KHNYN: variants seen among roughly 807,000 people sequenced by gnomAD.
The protein encoded by KHNYN is KH and NYN domain containing.
In KHNYN, 42 loss-of-function variants were observed where a neutral mutation model predicts 62.7. The ratio of observed to expected loss-of-function variants is 0.67; its 90% CI spans 0.52 to 0.87. The LOEUF is 0.87. Ranked by LOEUF, KHNYN falls within the 40% of genes least tolerant of loss-of-function variation. KHNYN has a pLI of 0.00. For missense variants in KHNYN, 829 were observed against 874.1 expected (o/e 0.95, Z 0.65); for synonymous variants, 347 against 345.6 (o/e 1.00, Z -0.04).
Position 24,432,182 on chromosome 14 carries a change from G to A in KHNYN, c.921G>A (p.Leu307=), listed in dbSNP as rs540491400. 4.4e-6 allele frequency: 7 copies of A among 1,573,306 alleles called. No individual in the cohort carries two copies. In the African/African-American group the frequency reaches 9.4e-5, roughly 21 times the overall value. ...RESAPLKGKA[L]GKEEIALGGG... ...CAGCACCCCTGAAAGGGAAGGCCCT[G>A]GGGAAGGAGGAGATAGCTCTGGGAG... is the stretch of plus-strand genomic sequence containing the variant. Residue 307 remains leucine (L), a synonymous_variant, in exon 3 of 8, where the codon CTG becomes CTA. Transcript: ENST00000553935. The surrounding 1 kb of genome is among the most constrained non-coding windows in gnomAD (Gnocchi z 5.6).
chr14:24,441,558 C>T lies in KHNYN; in HGVS notation c.*4273C>T. The stretch of plus-strand genomic sequence containing the variant: ...GGAGAAACATGCATGGATCAAGGGC[C>T]TAGGAAGTCATTTTGCCTGGAAAAG... On this transcript the variant is annotated 3_prime_UTR_variant, in exon 8 of 8. Coordinates refer to ENST00000553935, the MANE Select transcript of KHNYN (RefSeq NM_015299.3). The T allele has an allele frequency of 1.2e-6, 1 of 836,838 alleles. No homozygotes were observed. The highest frequency in any genetic ancestry group is 1.8e-6 in the Non-Finnish European group (1 of 553,864). 51.8% of individuals were successfully genotyped at this position (836,838 alleles called of 1,614,324 possible).
chr14:24,430,287 T>TG (rs2043082019), intron 1 of KHNYN, 168 bp downstream of exon 1: 1 of 692,392 alleles, frequency 1.4e-6, no homozygotes, highest in Non-Finnish European at 1.8e-6. Context: ...AGCGGACGGC[T>TG]GGGGGAGGGG....
chr14:24,429,325 G>A (rs751974450), upstream of KHNYN: 5 of 666,954 alleles, frequency 7.5e-6, no homozygotes, highest in South Asian at 3.0e-5. Flanking sequence ...CCCACTGGAC[G>A]GGAGGGCTGC....
rs535213536 is a variant in KHNYN, at chr14:24,431,451, C to G, written c.202-12C>G. 3 of 1,544,942 alleles carry G rather than the reference C, an allele frequency of 1.9e-6. No homozygotes were observed. In the African/African-American group the frequency reaches 4.1e-5, roughly 21 times the overall value. On this transcript the variant is annotated splice_polypyrimidine_tract_variant and intron_variant, in intron 2 of 7. Transcript: ENST00000553935. ...AGTTTACTTTTCCTGACCTTCCCTT[C>G]CTCCCAACCAGGAGTACCTGAAGGG...
Position 24,432,229 on chromosome 14 carries a change from G to T in KHNYN, c.968G>T (p.Arg323Leu). The T allele has an allele frequency of 3.1e-6, 5 of 1,606,376 alleles. No homozygotes were observed. Among genetic ancestry groups the T allele is most frequent in the Non-Finnish European group, 4.3e-6 (5 of 1,175,380 alleles). Reference sequence around the variant, plus strand: ...GGAGGAGGAGGGTTCTGTGTCCACCGTGAGCCTCCCGGTGCCCATGGCTCC... The same window carrying T: ...GGAGGAGGAGGGTTCTGTGTCCACCTTGAGCCTCCCGGTGCCCATGGCTCC... ...ALGGGGFCVH[R>L]EPPGAHGSCH... Residue 323 changes from arginine to leucine, a missense_variant, in exon 3 of 8, where the codon CGT becomes CTT. Physicochemically the swap from Arg to Leu is moderately radical, Grantham distance 102. Around this residue, in one of 2 missense-constraint regions of KHNYN, gnomAD observed 559 missense variants for 527.0 expected, o/e 1.06. Transcript: ENST00000553935. This position sits in a 1 kb window ranked among gnomAD's most constrained non-coding sequence, Gnocchi z 5.6.
intron 1 of KHNYN, 32 bp downstream of exon 1, chr14:24,430,151 G>T: frequency 1.0e-6 from 1 of 982,998 alleles, no homozygotes; most frequent in Non-Finnish European, 1.2e-6. Flanking sequence ...GCCCGGGAGC[G>T]GGGAGCGGGG....
chr14:24,431,427 G>C (rs1179854248), intron 2 of KHNYN, 36 bp from the exon 3 acceptor site: 1 of 1,523,106 alleles, frequency 6.6e-7, no homozygotes, highest in Non-Finnish European at 8.9e-7. Flanking sequence ...GGGCCAGTTA[G>C]TTTACTTTTC....
chr14:24,429,489 C>G, upstream of KHNYN: 2 of 463,814 alleles, frequency 4.3e-6, no homozygotes, highest in South Asian at 3.2e-5. Context: ...TCCTCCTACT[C>G]TTCCTCTCTT....
At chr14:24,429,847 G>C, upstream of KHNYN, 2 of 1,024,290 alleles carry the variant, frequency 2.0e-6, no homozygotes, top group Non-Finnish European at 2.3e-6. Flanking sequence ...ACTAGGCCGA[G>C]CGGGCCCGTC....
chr14:24,440,000 C>G lies in KHNYN; in HGVS notation c.*2715C>G, dbSNP rs1024586640. On this transcript the variant is annotated 3_prime_UTR_variant, in exon 8 of 8. Coordinates refer to ENST00000553935, the MANE Select transcript of KHNYN (RefSeq NM_015299.3). ...GAATCTAAGAACCAGATGGCTTCAG[C>G]TCTCTAGAGGAGCTGAGCCTATTCA... is the stretch of plus-strand genomic sequence containing the variant. The G allele has an allele frequency of 3.8e-5, 45 of 1,179,084 alleles. No homozygotes were observed. Among genetic ancestry groups the G allele is most frequent in the Non-Finnish European group, 5.3e-5 (45 of 848,672 alleles). The allele number at this position is 1,179,084 out of a possible 1,614,324, so 73.0% of individuals were successfully genotyped here.
chr14:24,435,164 A>G (rs1169668873), intron 5 of KHNYN, among the ~76,000 whole-genome samples: 2 of 152,252 alleles, frequency 1.3e-5, no homozygotes, highest in African/African-American at 2.4e-5. Context: ...GTTCCTTAGC[A>G]AGTCTTGGGA....
rs2043140871 is a variant in KHNYN, at chr14:24,432,607, T to C, written c.1346T>C (p.Met449Thr). 1.2e-6 allele frequency: 2 copies of C among 1,606,628 alleles called. No individual in the cohort carries two copies. Among genetic ancestry groups the C allele is most frequent in the Non-Finnish European group, 1.7e-6 (2 of 1,174,660 alleles). The change falls in exon 3 of 8, where the codon ATG (methionine) becomes ACG (threonine). Residue 449 changes from methionine (M) to threonine (T), a missense_variant. This residue lies in a region of KHNYN where 270 missense variants were observed against 347.1 expected (regional missense o/e 0.78). Transcript: ENST00000553935. The surrounding 1 kb of genome is among the most constrained non-coding windows in gnomAD (Gnocchi z 5.6). ...HIVIDGSNVA[M>T]VHGLQHYFSS... The stretch of plus-strand genomic sequence containing the variant: ...GTCATTGACGGCAGCAACGTGGCCA[T>C]GGTGTGAGTACCTGGTGGGGCTAAG...
At chr14:24,425,630 T>C (rs2043012775), upstream of KHNYN, among the ~76,000 whole-genome samples, 1 of 152,234 alleles carries the variant, frequency 6.6e-6, no homozygotes, top group Admixed American at 6.5e-5. Context: ...TTTCCTATTT[T>C]GTTTAAGCTA....
chr14:24,440,389 C>T lies in KHNYN; in HGVS notation c.*3104C>T. 1 of 1,613,964 alleles carries T rather than the reference C, an allele frequency of 6.2e-7. No individual in the cohort carries two copies. Among genetic ancestry groups the T allele is most frequent in the Non-Finnish European group, 8.5e-7 (1 of 1,179,844 alleles). On this transcript the variant is annotated 3_prime_UTR_variant, in exon 8 of 8. Coordinates refer to ENST00000553935, the MANE Select transcript of KHNYN (RefSeq NM_015299.3). ...TTCCTGCCAGGTCCCCGATGTGTAT[C>T]CAGGGGAAGAATTGGTGGCCTGAGC...
chr14:24,436,278 G>T, intron 6 of KHNYN, 99 bp downstream of exon 6: 3 of 1,436,316 alleles, frequency 2.1e-6, no homozygotes, highest in Non-Finnish European at 2.0e-6. Context: ...GGAAGGAGGT[G>T]AAGTTTTCTT....
Position 24,440,974 on chromosome 14 carries a change from T to G in KHNYN, c.*3689T>G. 1 of 1,610,842 alleles carries G rather than the reference T, an allele frequency of 6.2e-7. No individual in the cohort carries two copies. Among genetic ancestry groups the G allele is most frequent in the South Asian group, 1.1e-5 (1 of 90,758 alleles). On this transcript the variant is annotated 3_prime_UTR_variant, in exon 8 of 8. Transcript: ENST00000553935. Reference sequence around the variant, plus strand: ...TGCCCTGGGTGTCCTTGGTCCTGCCTGGCTCTCTGTAGTGGAGGCTCCCCT... The same window carrying G: ...TGCCCTGGGTGTCCTTGGTCCTGCCGGGCTCTCTGTAGTGGAGGCTCCCCT...
At position 24,436,903 on chromosome 14, in the gene KHNYN, G is replaced by C. The variant is rs1490623658; in HGVS notation, c.1788-133G>C. On this transcript the variant is annotated intron_variant, in intron 7 of 7. Coordinates refer to ENST00000553935, the MANE Select transcript of KHNYN (RefSeq NM_015299.3). Reference sequence around the variant, plus strand: ...AGTGGGTTGATACTGCCACTCAGTGGTCAGCTTCAGGAACTTCAGGATTTC... The same window carrying C: ...AGTGGGTTGATACTGCCACTCAGTGCTCAGCTTCAGGAACTTCAGGATTTC... 7.4e-6 allele frequency: 9 copies of C among 1,211,202 alleles called. No individual in the cohort carries two copies. In the Admixed American group the frequency reaches 9.1e-5, roughly 12 times the overall value. 75.0% of individuals were successfully genotyped at this position (1,211,202 alleles called of 1,614,324 possible). A position where few individuals can be genotyped will look rare whatever the true frequency, so the allele number is the denominator to read the frequency against.
chr14:24,429,019 G>C (rs775233007), upstream of KHNYN: 20 of 1,530,280 alleles, frequency 1.3e-5, no homozygotes, highest in South Asian at 1.4e-4. Context: ...GACTGTGTAG[G>C]GGACCTGGTA....
chr14:24,440,229 T>C lies in KHNYN; in HGVS notation c.*2944T>C. ...CCAAAGACAGCTTGCACCACAGCGC[T>C]GGGGAGAGGGATGAAGGCTCGGCGG... On this transcript the variant is annotated 3_prime_UTR_variant, in exon 8 of 8. Coordinates refer to ENST00000553935, the MANE Select transcript of KHNYN (RefSeq NM_015299.3). 6.2e-7 allele frequency: 1 copy of C among 1,613,894 alleles called. No individual in the cohort carries two copies.
Sources: gnomAD v4.1 joint callset for allele counts (sites outside exome capture counted in the v4.1 genomes callset) on GRCh38, gnomAD v4.1.1 for gene constraint, gnomAD v4.1.1 regional missense constraint, Gnocchi (gnomAD v3.1) non-coding constraint, MANE v1.5 for transcripts, NCBI Gene and HGNC (gene_info 2026-07-23, HGNC 2026-07-21) for gene names.